Variants in MCCC1 observed in about 807,000 individuals in gnomAD.
MCCC1 encodes the protein methylcrotonoyl-CoA carboxylase subunit alpha, mitochondrial.
In MCCC1, 64 loss-of-function variants were observed where a neutral mutation model predicts 83.8. The observed-to-expected ratio is 0.76, with a 90% CI of 0.62 to 0.94. The LOEUF (loss-of-function observed/expected upper bound fraction) is 0.94. Ranked by LOEUF, MCCC1 falls within the 40% of genes least tolerant of loss-of-function variation. The pLI is 0.00. For synonymous variants in MCCC1, 322 were observed against 315.4 expected (o/e 1.02, Z -0.22); for missense variants, 807 against 904.7 (o/e 0.89, Z 1.39).
intron 4 of MCCC1, among the ~76,000 whole-genome samples, chr3:183,081,461 G>A (rs936432587): frequency 6.6e-6 from 1 of 152,168 alleles, no homozygotes; most frequent in Admixed American, 6.6e-5. Flanking sequence ...ACACACACAA[G>A]CAAAGTTGTT....
chr3:183,021,708 C>T (rs1315060540), intron 16 of MCCC1, among the ~76,000 whole-genome samples: 2 of 152,060 alleles, frequency 1.3e-5, no homozygotes, highest in African/African-American at 2.4e-5. Context: ...ATTACTGTAG[C>T]GTAATTGGCT....
In MCCC1 at chr3:183,015,525, C is replaced by T. The variant is rs1349602794; in HGVS notation, c.2091G>A (p.Val697=). Residue 697 remains valine (V), a synonymous_variant, in exon 19 of 19, where the codon GTG becomes GTA. Transcript: ENST00000265594. ...TGGCCTGAGCACCTTCTCTGTAGAA[C>T]ACTTTCTTTACTGTGCCATCCTTTG... The part of the protein sequence containing the change: ...KSPKDGTVKK[V]FYREGAQANR... 1.9e-6 allele frequency: 3 copies of T among 1,614,040 alleles called. No individual in the cohort carries two copies. Among genetic ancestry groups the T allele is most frequent in the South Asian group, 2.2e-5 (2 of 91,090 alleles).
At chr3:183,023,036 T>C (rs1577240677) in intron 15 of MCCC1, among the ~76,000 whole-genome samples, 2 of 152,224 alleles carry the variant, frequency 1.3e-5, no homozygotes, top group Non-Finnish European at 2.9e-5. Flanking sequence ...TATCAACACG[T>C]AGGCCCAATC....
chr3:183,018,616 T>G (rs1438161711), intron 17 of MCCC1, among the ~76,000 whole-genome samples: 1 of 152,204 alleles, frequency 6.6e-6, no homozygotes, highest in African/African-American at 2.4e-5. Context: ...ACCACTTAGT[T>G]TTACTTGAAT....
intron 13 of MCCC1, among the ~76,000 whole-genome samples, chr3:183,036,895 G>A (rs559503108): frequency 6.6e-6 from 1 of 152,080 alleles, no homozygotes; most frequent in South Asian, 2.1e-4. Flanking sequence ...GGATGGTCTT[G>A]ATCTCCTGAC....
In MCCC1 at chr3:183,017,337, C is replaced by T; in HGVS notation, c.1978G>A (p.Val660Met). Residue 660 changes from valine (V) to methionine (M), a missense_variant and splice_region_variant, in exon 18 of 19, where the codon GTG (valine) becomes ATG (methionine). Coordinates refer to ENST00000265594, the MANE Select transcript of MCCC1 (RefSeq NM_020166.5). ...LAPMTGTIEK[V>M]FVKAGDKVKA... ...ACTTTGTCTCCAGCTTTGACAAACA[C>T]CTTGAGATTCAGTGTGACAGGTTAA... 1.2e-6 allele frequency: 2 copies of T among 1,613,692 alleles called. No homozygotes were observed. The highest frequency in any genetic ancestry group is 1.7e-6 in the Non-Finnish European group (2 of 1,179,958).
chr3:183,081,576 T>C (rs1389775181), intron 4 of MCCC1, among the ~76,000 whole-genome samples: 1 of 152,168 alleles, frequency 6.6e-6, no homozygotes, highest in Admixed American at 6.5e-5. Flanking sequence ...GTCTTTAAAT[T>C]CTTATTACCA....
At position 183,039,153 on chromosome 3, in the gene MCCC1, G is replaced by A. The variant is rs1020352443; in HGVS notation, c.1268-18C>T. On this transcript the variant is annotated intron_variant, in intron 11 of 18. Coordinates refer to ENST00000265594, the MANE Select transcript of MCCC1 (RefSeq NM_020166.5). The stretch of plus-strand genomic sequence containing the variant: ...TTCGTCTCCTGAAATTGAAAACCAC[G>A]GTAACCTCTTCAAGTCAAAACACGA... The A allele has an allele frequency of 4.4e-6, 7 of 1,607,990 alleles. No homozygotes were observed. Among genetic ancestry groups the A allele is most frequent in the Middle Eastern group, 3.3e-4 (2 of 6,048 alleles).
At chr3:183,081,965 C>T (rs887912117) in intron 4 of MCCC1, among the ~76,000 whole-genome samples, 1 of 152,152 alleles carries the variant, frequency 6.6e-6, no homozygotes, top group African/African-American at 2.4e-5. Context: ...CAGCTGCGGG[C>T]ATGGGAGTGG....
Position 183,092,296 on chromosome 3 carries a change from C to T in MCCC1, c.273+113G>A, listed in dbSNP as rs1577362939. The T allele has an allele frequency of 1.8e-5, 25 of 1,359,304 alleles. No homozygotes were observed. In the South Asian group the frequency reaches 2.9e-4, roughly 16 times the overall value. The allele number at this position is 1,359,304 out of a possible 1,614,324, so 84.2% of individuals were successfully genotyped here. On this transcript the variant is annotated intron_variant, in intron 3 of 18. Transcript: ENST00000265594. Reference sequence around the variant, plus strand: ...ATTAGCAGTGAGCAGTTTGAACTTACCTACTTCAACCCTGATAACACTAGC... The same window carrying T: ...ATTAGCAGTGAGCAGTTTGAACTTATCTACTTCAACCCTGATAACACTAGC...
In MCCC1 at chr3:183,045,328, C is replaced by T. The variant is rs1011762843; in HGVS notation, c.1083+85G>A. 3.3e-5 allele frequency: 51 copies of T among 1,534,430 alleles called. 1 individual carries two copies. The Middle Eastern group carries it at 5.1e-4, about 15-fold the overall frequency. On this transcript the variant is annotated intron_variant, in intron 10 of 18. Coordinates refer to ENST00000265594, the MANE Select transcript of MCCC1 (RefSeq NM_020166.5). ...CTCCTGACCTCAGGTGATCCACCTGCCTTGGCCTGCCAAAGTGCTGGGACT... is the reference window on the plus strand; with the variant it reads ...CTCCTGACCTCAGGTGATCCACCTGTCTTGGCCTGCCAAAGTGCTGGGACT...
chr3:183,052,862 T>G (rs1465601207), intron 8 of MCCC1, among the ~76,000 whole-genome samples: 1 of 148,720 alleles, frequency 6.7e-6, no homozygotes, highest in Non-Finnish European at 1.5e-5. Flanking sequence ...CCGTATATAA[T>G]ACTTGATAAT....
At chr3:183,042,614 C>G (rs903932037) in intron 10 of MCCC1, among the ~76,000 whole-genome samples, 1 of 151,860 alleles carries the variant, frequency 6.6e-6, no homozygotes, top group African/African-American at 2.4e-5. Flanking sequence ...TATGAAAGAT[C>G]AGGATGCACA....
chr3:183,067,059 G>A (rs1264412539), intron 7 of MCCC1, among the ~76,000 whole-genome samples: 1 of 152,210 alleles, frequency 6.6e-6, no homozygotes, highest in Non-Finnish European at 1.5e-5. Context: ...GGACACAACT[G>A]GAGAAACTGG....
chr3:183,073,154 G>C (rs139308548), intron 4 of MCCC1, among the ~76,000 whole-genome samples: 14 of 152,284 alleles, frequency 9.2e-5, no homozygotes, highest in Admixed American at 8.5e-4. Context: ...ACAAGTATCT[G>C]TTTTGAGTCC....
intron 15 of MCCC1, among the ~76,000 whole-genome samples, chr3:183,024,844 G>C (rs1712452634): frequency 6.6e-6 from 1 of 151,658 alleles, no homozygotes; most frequent in African/African-American, 2.4e-5. Flanking sequence ...GTACACCCCT[G>C]TTCATAGCAG....
At chr3:183,043,476 A>T (rs1714284987) in intron 10 of MCCC1, among the ~76,000 whole-genome samples, 1 of 152,164 alleles carries the variant, frequency 6.6e-6, no homozygotes, top group Admixed American at 6.5e-5. Flanking sequence ...TTCCCTGAAC[A>T]CTGTTAACTA....
At chr3:183,107,042 G>A (rs986609115) in intron 1 of MCCC1, among the ~76,000 whole-genome samples, 1 of 152,122 alleles carries the variant, frequency 6.6e-6, no homozygotes, top group African/African-American at 2.4e-5. Context: ...AGATTGTGAA[G>A]TTAACACTGA....
upstream of MCCC1, among the ~76,000 whole-genome samples, chr3:183,101,288 C>T (rs984861105): frequency 3.9e-5 from 6 of 152,380 alleles, no homozygotes; most frequent in South Asian, 2.1e-4. Flanking sequence ...TGCGAGCGCA[C>T]GGCGGCGCAG....
Sources: gnomAD v4.1 joint callset for allele counts (sites outside exome capture counted in the v4.1 genomes callset) on GRCh38, gnomAD v4.1.1 for gene constraint, MANE v1.5 for transcripts, NCBI Gene and HGNC (gene_info 2026-07-23, HGNC 2026-07-21) for gene names.